The following PCDHGA10 variants were observed in gnomAD, a reference collection of about 807,000 sequenced individuals.
The protein encoded by PCDHGA10 is protocadherin gamma-A10.
PCDHGA10 carries 42 observed loss-of-function variants against 59.5 expected under a neutral mutation model. That is an observed-to-expected ratio of 0.71 (90% CI 0.55 to 0.91). PCDHGA10 has a LOEUF of 0.91. Ranked by LOEUF, PCDHGA10 falls within the 40% of genes least tolerant of loss-of-function variation. The pLI is 0.00. For synonymous variants in PCDHGA10, 511 were observed against 517.2 expected (o/e 0.99, Z 0.16); for missense variants, 1,111 against 1,198.2 (o/e 0.93, Z 1.07).
intron 1 of PCDHGA10, among the ~76,000 whole-genome samples, chr5:141,483,834 A>G (rs2154580001): frequency 6.6e-6 from 1 of 152,212 alleles, no homozygotes; most frequent in South Asian, 2.1e-4. Flanking sequence ...CTAGGTAAGG[A>G]CTTGGTTGAA....
intron 1 of PCDHGA10, among the ~76,000 whole-genome samples, chr5:141,464,749 T>A (rs1026757405): frequency 6.6e-6 from 1 of 152,216 alleles, no homozygotes; most frequent in African/African-American, 2.4e-5. Context: ...ATCTTTTTGT[T>A]TTTTTAGAGA....
At position 141,477,530 on chromosome 5, in the gene PCDHGA10, C is replaced by A; in HGVS notation, c.2437-17277C>A. The A allele has an allele frequency of 6.2e-7, 1 of 1,614,186 alleles. No homozygotes were observed. The highest frequency in any genetic ancestry group is 1.1e-5 in the South Asian group (1 of 91,082). ...CGTTTACATTGAAGAAAACAACCTCCCCGGGGCTCCAATACTAAACCTAAG... is the reference window on the plus strand; with the variant it reads ...CGTTTACATTGAAGAAAACAACCTCACCGGGGCTCCAATACTAAACCTAAG... On this transcript the variant is annotated intron_variant, in intron 1 of 3. Coordinates refer to ENST00000398610, the MANE Select transcript of PCDHGA10 (RefSeq NM_018913.3). The surrounding 1 kb of genome is among the most constrained non-coding windows in gnomAD (Gnocchi z 4.9).
chr5:141,498,971 G>GGGAA (rs201769957), intron 2 of PCDHGA10, among the ~76,000 whole-genome samples: 8,226 of 110,874 alleles, frequency 0.074, 335 homozygotes, highest in Middle Eastern at 0.11. Flanking sequence ...GAGGGAGGGA[G>GGGAA]GGAAGGAAGG....
chr5:141,460,333 G>A (rs2098986532), intron 1 of PCDHGA10, among the ~76,000 whole-genome samples: 1 of 152,056 alleles, frequency 6.6e-6, no homozygotes, highest in African/African-American at 2.4e-5. Context: ...AACTTATGAT[G>A]ATTTTCTCCT....
rs776677714 is a variant in PCDHGA10 at position 141,419,329 on chromosome 5, T to C, written c.2436+3718T>C. The C allele has an allele frequency of 7.4e-6, 12 of 1,613,842 alleles. 2 individuals carry two copies. The South Asian group carries it at 1.3e-4, about 18-fold the overall frequency. On this transcript the variant is annotated intron_variant, in intron 1 of 3. Coordinates refer to ENST00000398610, the MANE Select transcript of PCDHGA10 (RefSeq NM_018913.3). The stretch of plus-strand genomic sequence containing the variant: ...GGCTCAACGGCCGTGTCTCCTACTC[T>C]CTCATTGCCAGCGACCTGGAGTCAC...
In PCDHGA10 at chr5:141,414,336, C is replaced by T. The variant is rs567878158; in HGVS notation, c.1161C>T (p.Thr387=). ...DLDSEQNGQV[T]CSILAYLPFK... is the part of the protein sequence containing the mutation. ...ACTCTGAGCAGAATGGACAGGTAAC[C>T]TGTTCCATTTTGGCGTATCTACCAT... is the stretch of plus-strand genomic sequence containing the variant. Residue 387 remains threonine, a synonymous_variant, in exon 1 of 4, where the codon ACC becomes ACT. Transcript: ENST00000398610. 3 of 1,613,846 alleles carry T rather than the reference C, an allele frequency of 1.9e-6. No individual in the cohort carries two copies. Among genetic ancestry groups the T allele is most frequent in the East Asian group, 2.2e-5 (1 of 44,852 alleles).
rs967535805 is a variant in PCDHGA10 at position 141,490,206 on chromosome 5, C to T, written c.2437-4601C>T. 2.4e-5 allele frequency: 38 copies of T among 1,614,050 alleles called. No homozygotes were observed. In the Admixed American group the frequency reaches 5.0e-4, roughly 21 times the overall value. ...GTTTCTATGAAATTCATGCAAGAGCCCGTGACCAGGGACAGCCTGCCATGG... is the reference window on the plus strand; with the variant it reads ...GTTTCTATGAAATTCATGCAAGAGCTCGTGACCAGGGACAGCCTGCCATGG... On this transcript the variant is annotated intron_variant, in intron 1 of 3. Coordinates refer to ENST00000398610, the MANE Select transcript of PCDHGA10 (RefSeq NM_018913.3). This position sits in a 1 kb window ranked among gnomAD's most constrained non-coding sequence, Gnocchi z 5.4.
intron 1 of PCDHGA10, chr5:141,427,490 T>C (rs752745429): frequency 1.8e-6 from 1 of 551,082 alleles, no homozygotes; most frequent in Non-Finnish European, 3.5e-6. Flanking sequence ...ACTATAAGCT[T>C]GTAACAGATG....
chr5:141,456,633 C>CT (rs1229637837), intron 1 of PCDHGA10, among the ~76,000 whole-genome samples: 1 of 152,182 alleles, frequency 6.6e-6, no homozygotes, highest in Non-Finnish European at 1.5e-5. Context: ...CTCTTCTTTA[C>CT]TACAGGTGTT....
chr5:141,455,255 C>T (rs1049752169), intron 1 of PCDHGA10, among the ~76,000 whole-genome samples: 16 of 152,146 alleles, frequency 1.1e-4, no homozygotes, highest in African/African-American at 3.9e-4. Flanking sequence ...AGTACAATCG[C>T]ATTTCTTCCC....
rs112156044 is a variant in PCDHGA10, at chr5:141,476,771, G to C, written c.2437-18036G>C. ...CCAGTTAGTGCTGACGGCGTTGGAC[G>C]GAGGGACCCCAGCTCTCTCCGCCAG... On this transcript the variant is annotated intron_variant, in intron 1 of 3. Coordinates refer to ENST00000398610, the MANE Select transcript of PCDHGA10 (RefSeq NM_018913.3). The surrounding 1 kb of genome is among the most constrained non-coding windows in gnomAD (Gnocchi z 7.6). 1.1e-5 allele frequency: 18 copies of C among 1,613,700 alleles called. 1 individual carries two copies. In the South Asian group the frequency reaches 1.3e-4, roughly 12 times the overall value.
intron 1 of PCDHGA10, among the ~76,000 whole-genome samples, chr5:141,466,921 AG>A (rs2099132133): frequency 6.6e-6 from 1 of 152,204 alleles, no homozygotes; most frequent in African/African-American, 2.4e-5. Context: ...TCCTTGTATT[AG>A]GAATATTAGT....
chr5:141,487,435 A>G lies in PCDHGA10; in HGVS notation c.2437-7372A>G, dbSNP rs776328527. On this transcript the variant is annotated intron_variant, in intron 1 of 3. Transcript: ENST00000398610. The surrounding 1 kb of genome is among the most constrained non-coding windows in gnomAD (Gnocchi z 5.0). ...CCAATGGGATCCTCCGAATCCAGCT[A>G]GGGTCAGATGACCCTATCAAGTTTG... 3.7e-6 allele frequency: 6 copies of G among 1,614,164 alleles called. No individual in the cohort carries two copies. In the South Asian group the frequency reaches 6.6e-5, roughly 18 times the overall value.
Position 141,419,293 on chromosome 5 carries a change from C to A in PCDHGA10, c.2436+3682C>A, listed in dbSNP as rs748856660. 1.5e-5 allele frequency: 25 copies of A among 1,614,026 alleles called. No individual in the cohort carries two copies. The African/African-American group carries it at 3.2e-4, about 21-fold the overall frequency. Reference sequence around the variant, plus strand: ...CCATAGCGCAAGTCAGTGCCTCTGACCCAGACTTCGGGCTCAACGGCCGTG... The same window carrying A: ...CCATAGCGCAAGTCAGTGCCTCTGAACCAGACTTCGGGCTCAACGGCCGTG... On this transcript the variant is annotated intron_variant, in intron 1 of 3. Transcript: ENST00000398610.
chr5:141,472,733 C>T (rs1450872513), intron 1 of PCDHGA10, among the ~76,000 whole-genome samples: 2 of 151,996 alleles, frequency 1.3e-5, no homozygotes, highest in Non-Finnish European at 2.9e-5. Context: ...CACCTGTAAT[C>T]CCAGCACTTT....
In PCDHGA10 at chr5:141,490,647, G is replaced by T; in HGVS notation, c.2437-4160G>T. 6.2e-7 allele frequency: 1 copy of T among 1,614,084 alleles called. No homozygotes were observed. Among genetic ancestry groups the T allele is most frequent in the Non-Finnish European group, 8.5e-7 (1 of 1,180,014 alleles). ...CTTACATCCTAGAAAACCGGCCTCCGGGCTCCCTTCTTTGCACTGTGGCTG... is the reference window on the plus strand; with the variant it reads ...CTTACATCCTAGAAAACCGGCCTCCTGGCTCCCTTCTTTGCACTGTGGCTG... On this transcript the variant is annotated intron_variant, in intron 1 of 3. Transcript: ENST00000398610. This position sits in a 1 kb window ranked among gnomAD's most constrained non-coding sequence, Gnocchi z 5.4.
intron 1 of PCDHGA10, chr5:141,419,158 C>T (rs757849297): frequency 5.0e-6 from 8 of 1,613,950 alleles, no homozygotes; most frequent in Admixed American, 1.7e-5. Context: ...CTCCGTTATC[C>T]TCCAGCAAAA....
chr5:141,424,391 C>T (rs2096818270), intron 1 of PCDHGA10: 1 of 152,106 alleles, frequency 6.6e-6, no homozygotes, highest in South Asian at 2.1e-4. Flanking sequence ...GATGTCTTTT[C>T]CATTACTATG....
chr5:141,490,149 T>C lies in PCDHGA10; in HGVS notation c.2437-4658T>C. The C allele has an allele frequency of 1.9e-6, 3 of 1,614,188 alleles. No individual in the cohort carries two copies. The highest frequency in any genetic ancestry group is 2.7e-5 in the African/African-American group (2 of 75,050). On this transcript the variant is annotated intron_variant, in intron 1 of 3. Coordinates refer to ENST00000398610, the MANE Select transcript of PCDHGA10 (RefSeq NM_018913.3). This position sits in a 1 kb window ranked among gnomAD's most constrained non-coding sequence, Gnocchi z 5.4. ...TAGACCCTAGCAGTGGGGCAATCCA[T>C]GTGTTGGGTCCCATAGACTTTGAGG... is the stretch of plus-strand genomic sequence containing the variant.
Sources: gnomAD v4.1 joint callset for allele counts (sites outside exome capture counted in the v4.1 genomes callset) on GRCh38, gnomAD v4.1.1 for gene constraint, Gnocchi (gnomAD v3.1) non-coding constraint, MANE v1.5 for transcripts, NCBI Gene and HGNC (gene_info 2026-07-23, HGNC 2026-07-21) for gene names.